The following NBEA variants were observed in gnomAD, a reference collection of about 807,000 sequenced individuals.
The protein encoded by NBEA is lysosomal-trafficking regulator 2.
Under a neutral mutation model 343.4 loss-of-function variants are expected in NBEA, and 44 were observed. The ratio of observed to expected loss-of-function variants is 0.13; its 90% CI spans 0.10 to 0.16. The LOEUF is 0.16. Among genes scored for constraint, NBEA ranks in the 10% least tolerant of loss-of-function variants. NBEA has a pLI of 1.00. For synonymous variants in NBEA, 1,175 were observed against 1,238.7 expected, an observed-to-expected ratio of 0.95 and a Z score of 1.08; for missense variants, 2,555 against 3,631.3, an observed-to-expected ratio of 0.70 and a Z score of 7.62.
chr13:35,528,705 A>G (rs2078103326), intron 41 of NBEA, among the ~76,000 whole-genome samples: 1 of 152,208 alleles, frequency 6.6e-6, no homozygotes, highest in Non-Finnish European at 1.5e-5. Context: ...GCTCAAAATC[A>G]TTATACACTA....
At chr13:35,156,356 A>G in intron 20 of NBEA, 150 bp downstream of exon 20, 1 of 657,594 alleles carries the variant, frequency 1.5e-6, no homozygotes, top group Non-Finnish European at 2.3e-6. Flanking sequence ...CATAATCTGT[A>G]TTCGGTATTC....
At chr13:35,199,109 A>G (rs1352931583) in intron 31 of NBEA, among the ~76,000 whole-genome samples, 1 of 151,780 alleles carries the variant, frequency 6.6e-6, no homozygotes, top group African/African-American at 2.4e-5. Context: ...TTAACTTCAA[A>G]CTCTGAAGCT....
intron 18 of NBEA, among the ~76,000 whole-genome samples, chr13:35,155,508 C>A (rs534940927): frequency 1.3e-5 from 2 of 152,010 alleles, no homozygotes; most frequent in Non-Finnish European, 2.9e-5. Context: ...GCCTGTAATC[C>A]CAGCTATTTG....
At chr13:35,065,480 A>G (rs2063617987) in intron 8 of NBEA, among the ~76,000 whole-genome samples, 1 of 151,860 alleles carries the variant, frequency 6.6e-6, no homozygotes, top group Non-Finnish European at 1.5e-5. Flanking sequence ...CCACTTTCAT[A>G]TGTAGTTTGC....
chr13:35,183,042 A>G (rs2071423876), intron 29 of NBEA, among the ~76,000 whole-genome samples: 1 of 152,024 alleles, frequency 6.6e-6, no homozygotes, highest in African/African-American at 2.4e-5. Context: ...AGTGGCCTCA[A>G]CTAAAATCAA....
At chr13:35,522,491 A>G (rs1389679198) in intron 41 of NBEA, among the ~76,000 whole-genome samples, 1 of 138,436 alleles carries the variant, frequency 7.2e-6, no homozygotes, top group Non-Finnish European at 1.5e-5. Context: ...AAAAAAAAAA[A>G]AAAAAAAAAA....
At chr13:35,546,677 C>G (rs2079076307) in intron 41 of NBEA, among the ~76,000 whole-genome samples, 1 of 151,774 alleles carries the variant, frequency 6.6e-6, no homozygotes, top group African/African-American at 2.4e-5. Flanking sequence ...CGCAGCCTCC[C>G]AAGTAGCTGG....
At chr13:35,442,148 T>C (rs1038100728) in intron 39 of NBEA, among the ~76,000 whole-genome samples, 1 of 152,080 alleles carries the variant, frequency 6.6e-6, no homozygotes, top group Non-Finnish European at 1.5e-5. Context: ...TAAAGATAAC[T>C]GTCTTTATCA....
intron 36 of NBEA, among the ~76,000 whole-genome samples, chr13:35,316,965 A>G (rs1454392342): frequency 6.7e-6 from 1 of 150,288 alleles, no homozygotes; most frequent in Non-Finnish European, 1.5e-5. Flanking sequence ...TTTTTGTTTT[A>G]TTTCTTGTAA....
At chr13:35,523,351 G>A (rs1401719651) in intron 41 of NBEA, among the ~76,000 whole-genome samples, 2 of 152,120 alleles carry the variant, frequency 1.3e-5, no homozygotes, top group Admixed American at 6.5e-5. Context: ...CAGAACCACC[G>A]TGCACTTGGG....
At chr13:35,359,826 G>A (rs935592590) in intron 38 of NBEA, among the ~76,000 whole-genome samples, 7 of 142,426 alleles carry the variant, frequency 4.9e-5, no homozygotes, top group African/African-American at 2.0e-4. Context: ...AGGTGTGTGT[G>A]TGTGTATGTG....
intron 40 of NBEA, among the ~76,000 whole-genome samples, chr13:35,465,695 A>G (rs1253341199): frequency 6.6e-6 from 1 of 152,206 alleles, no homozygotes; most frequent in Non-Finnish European, 1.5e-5. Flanking sequence ...CTGAACATTG[A>G]AACTATCACT....
intron 38 of NBEA, among the ~76,000 whole-genome samples, chr13:35,371,394 A>G (rs531397800): frequency 5.9e-5 from 9 of 151,838 alleles, no homozygotes; most frequent in African/African-American, 1.2e-4. Context: ...GAGCTGGTCT[A>G]TTGTTGAAGC....
chr13:35,645,218 T>G (rs2153075961), intron 49 of NBEA, among the ~76,000 whole-genome samples: 1 of 152,346 alleles, frequency 6.6e-6, no homozygotes, highest in South Asian at 2.1e-4. Flanking sequence ...TAGCTATGAT[T>G]TTCCTATTTC....
chr13:35,523,860 A>G lies in NBEA; in HGVS notation c.6586-26617A>G, dbSNP rs543128772. On this transcript the variant is annotated intron_variant, in intron 41 of 58. Transcript: ENST00000379939. ...AATGATTTTTCTATTTATTTTAGCT[A>G]TATTTCCCTCTGCTTTTTTCCTTTG... is the stretch of plus-strand genomic sequence containing the variant. Among the ~76,000 whole-genome samples the G allele has an allele frequency of 7.2e-4, 109 of 152,010 alleles. 1 individual carries two copies. The highest frequency in any genetic ancestry group is 1.2e-3 in the Non-Finnish European group (81 of 67,956).
At chr13:35,547,031 A>G (rs1684810129) in intron 41 of NBEA, among the ~76,000 whole-genome samples, 1 of 152,200 alleles carries the variant, frequency 6.6e-6, no homozygotes, top group Non-Finnish European at 1.5e-5. Context: ...AGGTTTTCCT[A>G]GCAGGGAATT....
intron 26 of NBEA, among the ~76,000 whole-genome samples, chr13:35,172,188 T>C (rs150480109): frequency 1.3e-4 from 20 of 152,140 alleles, no homozygotes; most frequent in African/African-American, 4.3e-4. Flanking sequence ...AAAGATTATG[T>C]CAAAAATTCC....
At chr13:35,065,583 A>C (rs1294570515) in intron 8 of NBEA, among the ~76,000 whole-genome samples, 3 of 152,062 alleles carry the variant, frequency 2.0e-5, no homozygotes, top group African/African-American at 7.2e-5. Flanking sequence ...ACACTTGACT[A>C]TGCATGTTTA....
chr13:35,389,977 G>A (rs949919546), intron 38 of NBEA, among the ~76,000 whole-genome samples: 9 of 150,732 alleles, frequency 6.0e-5, no homozygotes, highest in Non-Finnish European at 7.4e-5. Context: ...TAGAGTGTGT[G>A]TGTGTGTGTG....
Sources: allele counts gnomAD v4.1 joint callset (sites outside exome capture counted in the v4.1 genomes callset), GRCh38; gene constraint gnomAD v4.1.1; transcripts MANE v1.5; gene names NCBI Gene and HGNC (gene_info 2026-07-23, HGNC 2026-07-21).